KAZN: variants seen among roughly 807,000 people sequenced by gnomAD.
KAZN encodes the protein kazrin, periplakin interacting protein.
In KAZN, 40 loss-of-function variants were observed where a neutral mutation model predicts 87.4. The ratio of observed to expected loss-of-function variants is 0.46; its 90% confidence interval spans 0.36 to 0.60. KAZN has a LOEUF of 0.60. Among genes scored for constraint, KAZN ranks in the 20% least tolerant of loss-of-function variants. The probability of loss-of-function intolerance (pLI) is 0.00; values close to 1 mark genes in which losing one functional copy is unlikely to be tolerated. For synonymous variants in KAZN, 466 were observed against 458.3 expected (o/e 1.02, Z -0.22); for missense variants, 898 against 1,073.9 (o/e 0.84, Z 2.29).
intron 2 of KAZN, among the ~76,000 whole-genome samples, chr1:15,001,307 CA>C (rs201932238): frequency 0.047 from 4,640 of 97,732 alleles, 100 homozygotes; most frequent in African/African-American, 0.082. Flanking sequence ...ACTAAAAATA[CA>C]AAAAAAAAAA....
chr1:14,452,674 GC>G (rs1667341497), intron 2 of KAZN, among the ~76,000 whole-genome samples: 1 of 152,172 alleles, frequency 6.6e-6, no homozygotes, highest in African/African-American at 2.4e-5. Flanking sequence ...GACAGCCAGC[GC>G]AACAGCCTCA....
At chr1:14,751,009 C>T (rs986486203) in intron 1 of KAZN, among the ~76,000 whole-genome samples, 6 of 152,172 alleles carry the variant, frequency 3.9e-5, no homozygotes, top group Non-Finnish European at 5.9e-5. Context: ...TCCCTTGTTA[C>T]GTGGCGACGT....
chr1:14,666,072 T>C (rs1262498723), intron 1 of KAZN, among the ~76,000 whole-genome samples: 1 of 152,116 alleles, frequency 6.6e-6, no homozygotes, highest in East Asian at 1.9e-4. Context: ...AAGCATATAT[T>C]TTTTATTAAC....
rs376907572 is a variant in KAZN, at chr1:14,299,507, A to AAAAAG, written c.249+118933_249+118937dup. ...GACAGAGCAAGCAAGACTGTCTCAA[A>AAAAAG]AAAAGAAAAGAAAAGAAAAGAATTA... On this transcript the variant is annotated intron_variant, in intron 2 of 16. Coordinates refer to the KAZN transcript ENST00000636203. 9.8e-5 allele frequency among the ~76,000 whole-genome samples: 15 copies of AAAAAG among 152,328 alleles called. No individual in the cohort carries two copies. In the East Asian group the frequency reaches 1.2e-3, roughly 12 times the overall value.
chr1:14,958,572 G>A (rs1183339281), intron 1 of KAZN, among the ~76,000 whole-genome samples: 1 of 152,330 alleles, frequency 6.6e-6, no homozygotes, highest in South Asian at 2.1e-4. Flanking sequence ...TTTAACAGAT[G>A]CAGTGTCCGA....
intron 1 of KAZN, among the ~76,000 whole-genome samples, chr1:14,600,363 C>G (rs1378703254): frequency 6.6e-6 from 1 of 152,148 alleles, no homozygotes; most frequent in Non-Finnish European, 1.5e-5. Context: ...GAATCTGGTT[C>G]TCTCCATCAG....
At chr1:14,005,047 C>A (rs146349851) in intron 1 of KAZN, among the ~76,000 whole-genome samples, 51 of 152,242 alleles carry the variant, frequency 3.3e-4, no homozygotes, top group African/African-American at 1.2e-3. Flanking sequence ...GCCTCCATAA[C>A]TGCAAGAAAT....
intron 1 of KAZN, among the ~76,000 whole-genome samples, chr1:14,052,669 T>C (rs1469434409): frequency 6.6e-6 from 1 of 152,132 alleles, no homozygotes; most frequent in Non-Finnish European, 1.5e-5. Context: ...GAGGCCCATT[T>C]GGTGAGCTCC....
intron 1 of KAZN, among the ~76,000 whole-genome samples, chr1:14,768,965 C>T (rs1406162636): frequency 6.6e-6 from 1 of 152,210 alleles, no homozygotes; most frequent in East Asian, 1.9e-4. Flanking sequence ...TGAATTTGAC[C>T]AGTGTGCAGC....
intron 2 of KAZN, among the ~76,000 whole-genome samples, chr1:14,451,576 G>A (rs1667277774): frequency 7.1e-6 from 1 of 140,572 alleles, no homozygotes. Context: ...CAGACCAGCA[G>A]TTTCAGAAAG....
intron 1 of KAZN, among the ~76,000 whole-genome samples, chr1:14,960,254 T>G (rs945122559): frequency 1.3e-5 from 2 of 152,152 alleles, no homozygotes; most frequent in Non-Finnish European, 2.9e-5. Flanking sequence ...TTACTTAATC[T>G]CTCTGGGCAT....
chr1:14,002,600 A>T (rs1289166816), intron 1 of KAZN, among the ~76,000 whole-genome samples: 1 of 152,212 alleles, frequency 6.6e-6, no homozygotes, highest in African/African-American at 2.4e-5. Flanking sequence ...CAGCCGTGTG[A>T]AAATGAACTA....
chr1:14,282,866 TA>T (rs1469856660), intron 2 of KAZN, among the ~76,000 whole-genome samples: 2 of 152,154 alleles, frequency 1.3e-5, no homozygotes, highest in Non-Finnish European at 2.9e-5. Flanking sequence ...TAATAGATGC[TA>T]ATGTCAGAAG....
intron 2 of KAZN, among the ~76,000 whole-genome samples, chr1:14,458,050 C>T (rs1048837396): frequency 1.4e-4 from 21 of 152,226 alleles, no homozygotes; most frequent in African/African-American, 4.8e-4. Context: ...TCTCAATCTC[C>T]TAACCTCATG....
At chr1:14,274,336 C>T (rs569794698) in intron 2 of KAZN, among the ~76,000 whole-genome samples, 1 of 152,284 alleles carries the variant, frequency 6.6e-6, no homozygotes, top group Admixed American at 6.5e-5. Flanking sequence ...GCTTCTCTTG[C>T]TGAGTATAAT....
intron 2 of KAZN, among the ~76,000 whole-genome samples, chr1:14,203,675 A>G (rs899866545): frequency 6.6e-6 from 1 of 152,208 alleles, no homozygotes; most frequent in Non-Finnish European, 1.5e-5. Context: ...ATGTTATCCC[A>G]TAACCCAATA....
chr1:14,413,408 G>C (rs756160862), intron 2 of KAZN, among the ~76,000 whole-genome samples: 12 of 151,852 alleles, frequency 7.9e-5, no homozygotes, highest in Non-Finnish European at 1.6e-4. Context: ...GGCTAACACA[G>C]TGAAACCCCC....
At chr1:14,906,258 T>G (rs1038631994) in intron 1 of KAZN, among the ~76,000 whole-genome samples, 1 of 151,964 alleles carries the variant, frequency 6.6e-6, no homozygotes, top group African/African-American at 2.4e-5. Context: ...CCAGAGGAAC[T>G]TGGATGTGAA....
Position 15,036,002 on chromosome 1 carries a change from T to C in KAZN, c.555+1117T>C, listed in dbSNP as rs185770716. ...GAGACCAGAGTGTTCAGACTGGATT[T>C]GAATCTAGATGCTTGGTCCCCCCTA... On this transcript the variant is annotated intron_variant, in intron 3 of 14. Coordinates refer to ENST00000376030, the MANE Select transcript of KAZN (RefSeq NM_201628.3). 1.1e-3 allele frequency among the ~76,000 whole-genome samples: 162 copies of C among 152,172 alleles called. No homozygotes were observed. The Middle Eastern group carries it at 0.014, about 13-fold the overall frequency.
Sources: allele counts gnomAD v4.1 joint callset (sites outside exome capture counted in the v4.1 genomes callset), GRCh38; gene constraint gnomAD v4.1.1; transcripts MANE v1.5; gene names NCBI Gene and HGNC (gene_info 2026-07-23, HGNC 2026-07-21).